The following EFCAB6 variants were observed in gnomAD, a reference collection of about 807,000 sequenced individuals.
The protein encoded by EFCAB6 is EF-hand calcium binding domain 6.
A neutral mutation model predicts 169.8 loss-of-function variants in EFCAB6; 156 were observed. That is an observed-to-expected ratio of 0.92 (90% CI 0.81 to 1.05). EFCAB6 has a LOEUF of 1.05. EFCAB6 is among the 50% of genes least tolerant of loss of function. EFCAB6 has a pLI of 0.00. For missense variants in EFCAB6, 1,800 were observed against 1,829.1 expected, an observed-to-expected ratio of 0.98 and a Z score of 0.29; for synonymous variants, 698 against 676.4, an observed-to-expected ratio of 1.03 and a Z score of -0.50.
At chr22:43,785,260 G>T (rs1311113073) in intron 2 of EFCAB6, among the ~76,000 whole-genome samples, 1 of 152,090 alleles carries the variant, frequency 6.6e-6, no homozygotes, top group East Asian at 1.9e-4. Flanking sequence ...TCATTCTCCA[G>T]TATAAACCAT....
chr22:43,732,099 G>C (rs995604653), intron 7 of EFCAB6, among the ~76,000 whole-genome samples: 4 of 152,194 alleles, frequency 2.6e-5, no homozygotes, highest in Non-Finnish European at 5.9e-5. Flanking sequence ...AGCACCTAAG[G>C]AGTTTCTCCC....
chr22:43,588,603 TAAC>T (rs1447130063), intron 24 of EFCAB6, among the ~76,000 whole-genome samples: 3 of 152,122 alleles, frequency 2.0e-5, no homozygotes, highest in Admixed American at 6.5e-5. Flanking sequence ...CAATATTCAA[TAAC>T]AACAGGAGTT....
intron 18 of EFCAB6, 147 bp downstream of exon 18, chr22:43,634,955 A>C: frequency 1.6e-6 from 1 of 632,802 alleles, no homozygotes; most frequent in Non-Finnish European, 2.8e-6. Context: ...TGAAATAAAA[A>C]TGGTTGTTTG....
At chr22:43,734,911 A>G (rs1194897900) in intron 7 of EFCAB6, among the ~76,000 whole-genome samples, 1 of 152,172 alleles carries the variant, frequency 6.6e-6, no homozygotes, top group Non-Finnish European at 1.5e-5. Flanking sequence ...TATGAGATAC[A>G]AGGAGCTACC....
intron 9 of EFCAB6, among the ~76,000 whole-genome samples, chr22:43,713,974 C>A (rs2059246687): frequency 6.6e-6 from 1 of 152,092 alleles, no homozygotes. Context: ...AATATGAACA[C>A]ATCCCCTGCA....
chr22:43,534,192 C>T (rs2047251481), intron 30 of EFCAB6, among the ~76,000 whole-genome samples: 1 of 152,118 alleles, frequency 6.6e-6, no homozygotes, highest in Non-Finnish European at 1.5e-5. Context: ...GGAGGTTCCC[C>T]CTTGCTGTTC....
At chr22:43,657,674 C>G (rs2056814831) in intron 17 of EFCAB6, among the ~76,000 whole-genome samples, 1 of 151,916 alleles carries the variant, frequency 6.6e-6, no homozygotes, top group African/African-American at 2.4e-5. Context: ...GTTTAAATTT[C>G]TAATTTTCAA....
chr22:43,585,595 T>G (rs895636476), intron 24 of EFCAB6, among the ~76,000 whole-genome samples: 4 of 152,162 alleles, frequency 2.6e-5, no homozygotes, highest in African/African-American at 4.8e-5. Context: ...CCATTTTAAT[T>G]AATAATGGTA....
At chr22:43,683,885 T>A in intron 11 of EFCAB6, 30 bp from the exon 12 acceptor site, 1 of 1,513,290 alleles carries the variant, frequency 6.6e-7, no homozygotes, top group East Asian at 2.2e-5. Flanking sequence ...AAAGCAGGAA[T>A]AAGATTATGT....
At chr22:43,645,124 T>C (rs5764179) in intron 17 of EFCAB6, among the ~76,000 whole-genome samples, 34,433 of 152,114 alleles carry the variant, frequency 0.23, 5,289 homozygotes, top group East Asian at 0.62. Context: ...GGAGGTCTTG[T>C]GTATCTGTGG....
rs927881969 is a variant in EFCAB6, at chr22:43,795,343, G to T, written c.-7-13018C>A. ...GAAGATATGACAAAAATTGCTACCT[G>T]GGGACGATGGAGACATTGATCTTTT... is the stretch of plus-strand genomic sequence containing the variant. On this transcript the variant is annotated intron_variant, in intron 2 of 31. Transcript: ENST00000262726. This position sits in a 1 kb window ranked among gnomAD's most constrained non-coding sequence, Gnocchi z 4.2. Among the ~76,000 whole-genome samples, 1 of 152,098 alleles carries T rather than the reference G, an allele frequency of 6.6e-6. No individual in the cohort carries two copies. The highest frequency in any genetic ancestry group is 2.4e-5 in the African/African-American group (1 of 41,410).
At chr22:43,794,206 A>G (rs963397381) in intron 2 of EFCAB6, among the ~76,000 whole-genome samples, 4 of 152,246 alleles carry the variant, frequency 2.6e-5, no homozygotes, top group African/African-American at 9.6e-5. Flanking sequence ...ACTTTATATC[A>G]AAATGAAGTT....
At chr22:43,682,534 G>A (rs1010803032) in intron 12 of EFCAB6, among the ~76,000 whole-genome samples, 1 of 152,130 alleles carries the variant, frequency 6.6e-6, no homozygotes, top group Non-Finnish European at 1.5e-5. Flanking sequence ...CAAAGGCCTC[G>A]TTTATCTTTT....
intron 10 of EFCAB6, among the ~76,000 whole-genome samples, chr22:43,709,377 C>T (rs749376334): frequency 2.0e-5 from 3 of 152,058 alleles, no homozygotes; most frequent in Non-Finnish European, 4.4e-5. Flanking sequence ...CCACTGCGCC[C>T]GGCCTTATTT....
chr22:43,750,431 T>C (rs1449875249), intron 6 of EFCAB6, among the ~76,000 whole-genome samples: 2 of 152,316 alleles, frequency 1.3e-5, no homozygotes, highest in Admixed American at 1.3e-4. Context: ...GAGGAAACAG[T>C]GTCTCAGATA....
chr22:43,580,059 C>T (rs1297335128), intron 25 of EFCAB6, among the ~76,000 whole-genome samples: 2 of 152,174 alleles, frequency 1.3e-5, no homozygotes, highest in African/African-American at 4.8e-5. Flanking sequence ...TCCTGGAGGA[C>T]TTCACAATGA....
At chr22:43,741,982 G>A (rs2060389054) in intron 6 of EFCAB6, among the ~76,000 whole-genome samples, 1 of 152,078 alleles carries the variant, frequency 6.6e-6, no homozygotes. Context: ...TCCACCAAGA[G>A]AGGGAAAAAC....
rs938988339 is a variant in EFCAB6 at position 43,596,924 on chromosome 22, T to A, written c.2876+3145A>T. ...AGACACAAAGACCAATGGAACAGAG[T>A]AGAGAACCCAGAAGTAAATCCATGC... On this transcript the variant is annotated intron_variant, in intron 23 of 31. Coordinates refer to ENST00000262726, the MANE Select transcript of EFCAB6 (RefSeq NM_022785.4). 6.6e-5 allele frequency among the ~76,000 whole-genome samples: 10 copies of A among 151,994 alleles called. 1 individual carries two copies. The Middle Eastern group carries it at 0.01, about 155-fold the overall frequency.
intron 2 of EFCAB6, among the ~76,000 whole-genome samples, chr22:43,783,942 C>T (rs778167254): frequency 6.6e-6 from 1 of 152,086 alleles, no homozygotes; most frequent in East Asian, 1.9e-4. Context: ...TGGTGGCATG[C>T]ACCCATGGTC....
Sources: gnomAD v4.1 joint callset for allele counts (sites outside exome capture counted in the v4.1 genomes callset) on GRCh38, gnomAD v4.1.1 for gene constraint, Gnocchi (gnomAD v3.1) non-coding constraint, MANE v1.5 for transcripts, NCBI Gene and HGNC (gene_info 2026-07-23, HGNC 2026-07-21) for gene names.